CSRNP3: variants seen among roughly 807,000 people sequenced by gnomAD.
CSRNP3 encodes the protein cysteine/serine-rich nuclear protein 3.
Under a neutral mutation model 48.0 loss-of-function variants are expected in CSRNP3, and 12 were observed. The observed-to-expected ratio is 0.25, with a 90% CI of 0.16 to 0.41. The LOEUF is 0.41. Among genes scored for constraint, CSRNP3 ranks in the 10% least tolerant of loss-of-function variants. The pLI is 1.00. For synonymous variants in CSRNP3, 263 were observed against 269.7 expected, an observed-to-expected ratio of 0.98 and a Z score of 0.24; for missense variants, 580 against 724.4, an observed-to-expected ratio of 0.80 and a Z score of 2.29.
rs1289308415 is a variant in CSRNP3 at position 165,685,328 on chromosome 2, A to G, written c.*5575A>G. 2 of 151,998 alleles carry G rather than the reference A, an allele frequency of 1.3e-5. No individual in the cohort carries two copies. The highest frequency in any genetic ancestry group is 4.8e-5 in the African/African-American group (2 of 41,404). 9.4% of individuals were successfully genotyped at this position (151,998 alleles called of 1,614,324 possible). A position where few individuals can be genotyped will look rare whatever the true frequency, so the allele number is the denominator to read the frequency against. Reference sequence around the variant, plus strand: ...TTGTTTTGTTTTATTCTTTTTTTCCAGAAATTCAAGCTGAAACATTTGATA... The same window carrying G: ...TTGTTTTGTTTTATTCTTTTTTTCCGGAAATTCAAGCTGAAACATTTGATA... On this transcript the variant is annotated 3_prime_UTR_variant, in exon 7 of 7. Transcript: ENST00000651982.
chr2:165,559,429 A>G (rs1001956648), intron 3 of CSRNP3, among the ~76,000 whole-genome samples: 3 of 152,220 alleles, frequency 2.0e-5, no homozygotes, highest in Non-Finnish European at 2.9e-5. Flanking sequence ...GCTTTTTACT[A>G]TCTTAATTTT....
chr2:165,509,691 C>A (rs1260455772), intron 2 of CSRNP3, among the ~76,000 whole-genome samples: 1 of 152,158 alleles, frequency 6.6e-6, no homozygotes, highest in Non-Finnish European at 1.5e-5. Context: ...CAGCTTCCCC[C>A]AGTGTTAACC....
At chr2:165,598,803 T>G (rs183692448) in intron 4 of CSRNP3, among the ~76,000 whole-genome samples, 15 of 152,306 alleles carry the variant, frequency 9.8e-5, no homozygotes, top group Non-Finnish European at 1.9e-4. Context: ...TAAAAATAAT[T>G]CAAGAAAAGA....
Position 165,664,186 on chromosome 2 carries a change from A to G in CSRNP3, c.408+6166A>G, listed in dbSNP as rs73013305. Among the ~76,000 whole-genome samples, 383 of 152,352 alleles carry G rather than the reference A, an allele frequency of 2.5e-3. 2 individuals carry two copies. The highest frequency in any genetic ancestry group is 8.3e-3 in the African/African-American group (347 of 41,594). ...AGCTAATGAGCTAAAGAACTATATT[A>G]TAAGATGTGACTCAATATCCAAATG... On this transcript the variant is annotated intron_variant, in intron 5 of 6. Coordinates refer to ENST00000651982, the MANE Select transcript of CSRNP3 (RefSeq NM_001172173.2).
intron 4 of CSRNP3, among the ~76,000 whole-genome samples, chr2:165,629,152 T>A (rs1257161605): frequency 2.6e-5 from 4 of 152,192 alleles, no homozygotes; most frequent in Non-Finnish European, 5.9e-5. Flanking sequence ...TGCCGGCAAT[T>A]CTGATACAAA....
At chr2:165,528,255 A>G (rs770477693) in intron 3 of CSRNP3, among the ~76,000 whole-genome samples, 1 of 152,132 alleles carries the variant, frequency 6.6e-6, no homozygotes, top group Non-Finnish European at 1.5e-5. Context: ...CAAATATTTT[A>G]TCCTAATTTG....
At chr2:165,530,942 T>A (rs1684802034) in intron 3 of CSRNP3, among the ~76,000 whole-genome samples, 1 of 152,084 alleles carries the variant, frequency 6.6e-6, no homozygotes, top group South Asian at 2.1e-4. Context: ...GGGACTGTAA[T>A]TTAGAACACC....
intron 1 of CSRNP3, among the ~76,000 whole-genome samples, chr2:165,480,403 C>T (rs544345896): frequency 6.6e-6 from 1 of 152,206 alleles, no homozygotes; most frequent in South Asian, 2.1e-4. Context: ...TATACGGGCA[C>T]AGGGTGTACA....
At chr2:165,662,147 T>C (rs1558965956) in intron 5 of CSRNP3, among the ~76,000 whole-genome samples, 1 of 149,688 alleles carries the variant, frequency 6.7e-6, no homozygotes, top group Admixed American at 7.5e-5. Context: ...AAAGATGTTA[T>C]TTTGAAAACA....
At chr2:165,483,020 A>G (rs1228857899) in intron 1 of CSRNP3, among the ~76,000 whole-genome samples, 2 of 149,220 alleles carry the variant, frequency 1.3e-5, no homozygotes, top group Non-Finnish European at 3.0e-5. Context: ...GAGAGAACAT[A>G]CGTATATGTG....
chr2:165,576,663 G>T (rs1369454661), intron 3 of CSRNP3, among the ~76,000 whole-genome samples: 1 of 151,976 alleles, frequency 6.6e-6, no homozygotes, highest in East Asian at 1.9e-4. Context: ...AAACTTTGAA[G>T]TCTTTTGCAA....
chr2:165,665,241 A>G (rs1469798178), intron 5 of CSRNP3, among the ~76,000 whole-genome samples: 1 of 152,212 alleles, frequency 6.6e-6, no homozygotes, highest in Non-Finnish European at 1.5e-5. Context: ...TAGGATGTAT[A>G]GATGCCGTTA....
At chr2:165,642,371 C>T (rs1040703310) in intron 4 of CSRNP3, among the ~76,000 whole-genome samples, 9 of 152,118 alleles carry the variant, frequency 5.9e-5, no homozygotes, top group African/African-American at 1.9e-4. Flanking sequence ...CTTAGGAAAC[C>T]TTTCAGTTTT....
In CSRNP3 at chr2:165,599,449, C is replaced by T. The variant is rs115953417; in HGVS notation, c.148+4236C>T. Among the ~76,000 whole-genome samples the T allele has an allele frequency of 2.7e-3, 414 of 152,126 alleles. 1 individual carries two copies. Among genetic ancestry groups the T allele is most frequent in the African/African-American group, 9.8e-3 (407 of 41,512 alleles). ...GGACCACAGGTGCACACCACTGCACCAGGCCAATTCTTGTATTTTTTTGTA... is the reference window on the plus strand; with the variant it reads ...GGACCACAGGTGCACACCACTGCACTAGGCCAATTCTTGTATTTTTTTGTA... On this transcript the variant is annotated intron_variant, in intron 4 of 6. Coordinates refer to ENST00000651982, the MANE Select transcript of CSRNP3 (RefSeq NM_001172173.2).
intron 3 of CSRNP3, among the ~76,000 whole-genome samples, chr2:165,586,183 A>G (rs1171513195): frequency 6.6e-6 from 1 of 152,194 alleles, no homozygotes; most frequent in Non-Finnish European, 1.5e-5. Flanking sequence ...TGCTTAATCT[A>G]TTAACCATCA....
At position 165,676,324 on chromosome 2, in the gene CSRNP3, G is replaced by T. The variant is rs1196254462; in HGVS notation, c.421G>T (p.Gly141Cys). 1.9e-5 allele frequency: 30 copies of T among 1,613,184 alleles called. No homozygotes were observed. The highest frequency in any genetic ancestry group is 2.5e-5 in the Non-Finnish European group (30 of 1,179,420). Residue 141 changes from glycine to cysteine, a missense_variant, in exon 6 of 7, where the codon GGC becomes TGC. Transcript: ENST00000651982. ...NSLKLKMTKN[G>C]TVESEEASTL... ...TTTGTGTTTTTAGATGACTAAGAAT[G>T]GCACAGTAGAATCAGAAGAAGCCAG...
chr2:165,613,251 A>T (rs1686170637), intron 4 of CSRNP3, among the ~76,000 whole-genome samples: 1 of 151,980 alleles, frequency 6.6e-6, no homozygotes, highest in African/African-American at 2.4e-5. Flanking sequence ...AGATCCTCTG[A>T]CCATTTTTAA....
chr2:165,471,884 A>G (rs1428897917), intron 1 of CSRNP3, among the ~76,000 whole-genome samples: 1 of 152,024 alleles, frequency 6.6e-6, no homozygotes, highest in Non-Finnish European at 1.5e-5. Flanking sequence ...ATGAAAGAAA[A>G]CAGTTAAGAG....
chr2:165,631,203 C>T (rs10180533), intron 4 of CSRNP3, among the ~76,000 whole-genome samples: 54,055 of 151,996 alleles, frequency 0.36, 10,387 homozygotes, highest in East Asian at 0.59. Context: ...TTCAGAATTT[C>T]GGCTCCCTGT....
Sources: gnomAD v4.1 joint callset for allele counts (sites outside exome capture counted in the v4.1 genomes callset) on GRCh38, gnomAD v4.1.1 for gene constraint, MANE v1.5 for transcripts, NCBI Gene and HGNC (gene_info 2026-07-23, HGNC 2026-07-21) for gene names.